The following NT5DC3 variants were observed in gnomAD, a reference collection of about 807,000 sequenced individuals.
NT5DC3 encodes 5'-nucleotidase domain-containing protein 3.
NT5DC3 carries 42 observed loss-of-function variants against 67.8 expected under a neutral mutation model. That is an observed-to-expected ratio of 0.62 (90% CI 0.48 to 0.80). The LOEUF is 0.80. NT5DC3 is among the 30% of genes least tolerant of loss of function. NT5DC3 has a pLI of 0.00. For synonymous variants in NT5DC3, 237 were observed against 255.6 expected (o/e 0.93, Z 0.69); for missense variants, 570 against 696.4 (o/e 0.82, Z 2.04).
intron 1 of NT5DC3, among the ~76,000 whole-genome samples, chr12:103,829,827 C>T (rs1192856998): frequency 1.3e-5 from 2 of 151,596 alleles, no homozygotes; most frequent in African/African-American, 4.8e-5. Flanking sequence ...CATATACATC[C>T]TTTAAAAGTT....
intron 1 of NT5DC3, among the ~76,000 whole-genome samples, chr12:103,839,687 T>A (rs921348366): frequency 6.6e-6 from 1 of 152,162 alleles, no homozygotes; most frequent in African/African-American, 2.4e-5. Context: ...TCCCAATGTC[T>A]CCAAAGCCAG....
the NT5DC3 span, chr12:103,749,038 C>T: frequency 5.0e-6 from 8 of 1,614,140 alleles, no homozygotes; most frequent in Admixed American, 3.3e-5. Flanking sequence ...ACGAAGGTCT[C>T]CTGCAGCTGC....
At chr12:103,828,037 T>C (rs1173205351) in intron 1 of NT5DC3, among the ~76,000 whole-genome samples, 1 of 152,188 alleles carries the variant, frequency 6.6e-6, no homozygotes, top group Non-Finnish European at 1.5e-5. Context: ...AGACCACACA[T>C]GGTCAGGAAC....
At chr12:103,839,094 C>T (rs1888271774) in intron 1 of NT5DC3, among the ~76,000 whole-genome samples, 1 of 152,184 alleles carries the variant, frequency 6.6e-6, no homozygotes, top group South Asian at 2.1e-4. Context: ...CATCTGTGCT[C>T]TCATGCATGT....
At chr12:103,794,680 C>T (rs1410868742) in intron 6 of NT5DC3, among the ~76,000 whole-genome samples, 2 of 152,256 alleles carry the variant, frequency 1.3e-5, no homozygotes, top group Non-Finnish European at 2.9e-5. Flanking sequence ...TGTGCCCTTT[C>T]TGTCCCTAGA....
At chr12:103,835,393 G>A (rs889978953) in intron 1 of NT5DC3, among the ~76,000 whole-genome samples, 3 of 152,140 alleles carry the variant, frequency 2.0e-5, no homozygotes, top group African/African-American at 4.8e-5. Flanking sequence ...AGGGTCCACC[G>A]AATCCTGTAC....
chr12:103,769,519 C>A (rs552362727), downstream of NT5DC3, among the ~76,000 whole-genome samples: 3 of 152,332 alleles, frequency 2.0e-5, no homozygotes, highest in South Asian at 6.2e-4. Flanking sequence ...CAGCGCAGGG[C>A]ACAGAGCAGG....
At chr12:103,770,057 G>C (rs1885146359), downstream of NT5DC3, among the ~76,000 whole-genome samples, 1 of 152,182 alleles carries the variant, frequency 6.6e-6, no homozygotes, top group Non-Finnish European at 1.5e-5. Context: ...TCTTGACCCA[G>C]AGCACCTGCT....
chr12:103,798,827 T>C lies in NT5DC3; in HGVS notation c.525-150A>G, dbSNP rs149396720. On this transcript the variant is annotated intron_variant, in intron 4 of 13. Coordinates refer to ENST00000392876, the MANE Select transcript of NT5DC3 (RefSeq NM_001031701.3). Reference sequence around the variant, plus strand: ...GTGCCACAAGTAAATGCCACAAATATCAGGTAAGATGCTACTATGTTTACT... The same window carrying C: ...GTGCCACAAGTAAATGCCACAAATACCAGGTAAGATGCTACTATGTTTACT... 1.7e-4 allele frequency: 106 copies of C among 618,790 alleles called. No individual in the cohort carries two copies. In the East Asian group the frequency reaches 2.9e-3, roughly 17 times the overall value. 38.3% of individuals were successfully genotyped at this position (618,790 alleles called of 1,614,324 possible).
At chr12:103,760,348 C>G in the NT5DC3 span, among the ~76,000 whole-genome samples, 1 of 152,180 alleles carries the variant, frequency 6.6e-6, no homozygotes, top group African/African-American at 2.4e-5. Context: ...GCAACCTCCC[C>G]CTCCTGGATT....
chr12:103,782,433 C>G (rs1394962138), intron 12 of NT5DC3, among the ~76,000 whole-genome samples: 4 of 152,180 alleles, frequency 2.6e-5, no homozygotes, highest in Non-Finnish European at 5.9e-5. Flanking sequence ...TCAGTGTCCA[C>G]CAATAAAGTT....
chr12:103,838,961 C>T (rs1888265290), intron 1 of NT5DC3, among the ~76,000 whole-genome samples: 1 of 152,074 alleles, frequency 6.6e-6, no homozygotes, highest in Non-Finnish European at 1.5e-5. Flanking sequence ...CAAGGGAGAA[C>T]ATGATGGGGG....
chr12:103,835,495 G>C (rs1888108980), intron 1 of NT5DC3, among the ~76,000 whole-genome samples: 1 of 152,154 alleles, frequency 6.6e-6, no homozygotes. Flanking sequence ...CCAAAGCCAG[G>C]AGGGATTTGG....
intron 1 of NT5DC3, among the ~76,000 whole-genome samples, chr12:103,836,390 A>G (rs1888149663): frequency 6.6e-6 from 1 of 152,188 alleles, no homozygotes; most frequent in Non-Finnish European, 1.5e-5. Flanking sequence ...GGTATTGGGT[A>G]AATAGAGCCA....
At chr12:103,831,396 T>A (rs2139471278) in intron 1 of NT5DC3, among the ~76,000 whole-genome samples, 1 of 152,292 alleles carries the variant, frequency 6.6e-6, no homozygotes, top group South Asian at 2.1e-4. Flanking sequence ...GTCTCCGGTA[T>A]TTCTTCAAAG....
At chr12:103,759,811 C>T in the NT5DC3 span, among the ~76,000 whole-genome samples, 16 of 152,126 alleles carry the variant, frequency 1.1e-4, no homozygotes, top group Admixed American at 3.9e-4. Flanking sequence ...AATAGACATA[C>T]GATAAATAGG....
downstream of NT5DC3, chr12:103,766,179 C>T (rs755072703): frequency 1.4e-6 from 2 of 1,426,234 alleles, no homozygotes; most frequent in South Asian, 2.3e-5. Context: ...CATACGTGTT[C>T]ACAGTGCTCA....
At position 103,806,847 on chromosome 12, in the gene NT5DC3, A is replaced by T; in HGVS notation, c.468+8T>A. On this transcript the variant is annotated splice_region_variant and intron_variant, in intron 3 of 13. Coordinates refer to ENST00000392876, the MANE Select transcript of NT5DC3 (RefSeq NM_001031701.3). ...TAAACCATAGAAAAACAGGAGAAGT[A>T]AACCTACCCGCTGTACATCATAATG... 1 of 1,568,004 alleles carries T rather than the reference A, an allele frequency of 6.4e-7. No homozygotes were observed. Among genetic ancestry groups the T allele is most frequent in the Non-Finnish European group, 8.8e-7 (1 of 1,138,352 alleles).
chr12:103,820,536 T>A (rs1466040441), intron 1 of NT5DC3, among the ~76,000 whole-genome samples: 1 of 152,204 alleles, frequency 6.6e-6, no homozygotes, highest in Non-Finnish European at 1.5e-5. Flanking sequence ...GTACAATTTT[T>A]GCCAAGTACT....
Sources: gnomAD v4.1 joint callset for allele counts (sites outside exome capture counted in the v4.1 genomes callset) on GRCh38, gnomAD v4.1.1 for gene constraint, MANE v1.5 for transcripts, NCBI Gene and HGNC (gene_info 2026-07-23, HGNC 2026-07-21) for gene names.